SLC24A3: variants seen among roughly 807,000 people sequenced by gnomAD.
SLC24A3 encodes solute carrier family 24 member 3, also known as sodium/potassium/calcium exchanger 3.
Under a neutral mutation model 75.8 loss-of-function variants are expected in SLC24A3, and 28 were observed. The observed-to-expected ratio is 0.37, with a 90% CI of 0.27 to 0.51. The LOEUF (loss-of-function observed/expected upper bound fraction) is 0.51, where lower values mean the gene tolerates loss of function less well. SLC24A3 is among the 20% of genes least tolerant of loss of function. The pLI is 0.94. For missense variants in SLC24A3, 663 were observed against 847.8 expected, an observed-to-expected ratio of 0.78 and a Z score of 2.71; for synonymous variants, 372 against 334.1, an observed-to-expected ratio of 1.11 and a Z score of -1.24.
intron 6 of SLC24A3, among the ~76,000 whole-genome samples, chr20:19,635,922 C>T (rs535811700): frequency 6.6e-6 from 1 of 152,228 alleles, no homozygotes; most frequent in South Asian, 2.1e-4. Context: ...GGGTGGATCA[C>T]AAGGTCAGGA....
intron 2 of SLC24A3, among the ~76,000 whole-genome samples, chr20:19,468,579 G>A (rs1346396650): frequency 2.6e-5 from 4 of 152,148 alleles, no homozygotes; most frequent in Admixed American, 2.6e-4. Flanking sequence ...CATTCAAGGA[G>A]AGAGAAGAAA....
At chr20:19,408,191 T>TA (rs1356164078) in intron 2 of SLC24A3, among the ~76,000 whole-genome samples, 1 of 152,204 alleles carries the variant, frequency 6.6e-6, no homozygotes, top group African/African-American at 2.4e-5. Flanking sequence ...AGAAAAGTTG[T>TA]AAAACACTAA....
At chr20:19,569,994 T>A (rs2031026804) in intron 3 of SLC24A3, among the ~76,000 whole-genome samples, 1 of 152,146 alleles carries the variant, frequency 6.6e-6, no homozygotes, top group African/African-American at 2.4e-5. Context: ...ACATTAGACC[T>A]CCCCACTATT....
chr20:19,476,298 A>G (rs551928053), intron 2 of SLC24A3, among the ~76,000 whole-genome samples: 2 of 152,314 alleles, frequency 1.3e-5, no homozygotes, highest in Non-Finnish European at 2.9e-5. Context: ...TTGATGAAAA[A>G]CAGAAGTAAG....
chr20:19,720,935 C>T (rs1014249588), intron 16 of SLC24A3, 56 bp from the exon 17 acceptor site: 4 of 1,599,848 alleles, frequency 2.5e-6, no homozygotes, highest in East Asian at 4.5e-5. Flanking sequence ...CCTACCAACC[C>T]CCCAAAGGCT....
intron 2 of SLC24A3, among the ~76,000 whole-genome samples, chr20:19,350,153 G>A (rs2122323890): frequency 6.6e-6 from 1 of 152,270 alleles, no homozygotes; most frequent in East Asian, 1.9e-4. Flanking sequence ...TATAAGGACT[G>A]AATTCATAGC....
At chr20:19,609,943 T>A (rs1312417859) in intron 6 of SLC24A3, among the ~76,000 whole-genome samples, 1 of 131,746 alleles carries the variant, frequency 7.6e-6, no homozygotes, top group South Asian at 2.8e-4. Context: ...TTCATTCATC[T>A]TAGGTTTAAC....
At chr20:19,700,919 T>G (rs2032864456) in intron 15 of SLC24A3, among the ~76,000 whole-genome samples, 1 of 152,232 alleles carries the variant, frequency 6.6e-6, no homozygotes, top group African/African-American at 2.4e-5. Flanking sequence ...TTTACCTAAA[T>G]CTATACTTTT....
chr20:19,568,042 A>T (rs1420969239), intron 3 of SLC24A3, among the ~76,000 whole-genome samples: 1 of 152,218 alleles, frequency 6.6e-6, no homozygotes, highest in Non-Finnish European at 1.5e-5. Flanking sequence ...AGATGCTCAA[A>T]ATCAGTAATC....
chr20:19,461,106 G>C (rs960898774), intron 2 of SLC24A3, among the ~76,000 whole-genome samples: 1 of 152,178 alleles, frequency 6.6e-6, no homozygotes, highest in Non-Finnish European at 1.5e-5. Flanking sequence ...CATATCTGGA[G>C]AAAGCCCCTG....
intron 2 of SLC24A3, among the ~76,000 whole-genome samples, chr20:19,371,618 A>G (rs115138633): frequency 2.2e-3 from 338 of 152,302 alleles, no homozygotes; most frequent in African/African-American, 7.1e-3. Context: ...TACAGGGACA[A>G]AATCCCCACA....
intron 2 of SLC24A3, among the ~76,000 whole-genome samples, chr20:19,460,922 G>A (rs1215845273): frequency 6.6e-6 from 1 of 152,234 alleles, no homozygotes; most frequent in Non-Finnish European, 1.5e-5. Flanking sequence ...GTCCCCATGA[G>A]TGAGGGGAAG....
chr20:19,576,307 G>C (rs1027602529), intron 3 of SLC24A3, among the ~76,000 whole-genome samples: 1 of 152,180 alleles, frequency 6.6e-6, no homozygotes, highest in African/African-American at 2.4e-5. Flanking sequence ...TGTATTAATA[G>C]TACCATCAAT....
rs73902304 is a variant in SLC24A3 at position 19,291,662 on chromosome 20, C to G, written c.271+10575C>G. On this transcript the variant is annotated intron_variant, in intron 2 of 16. Coordinates refer to ENST00000328041, the MANE Select transcript of SLC24A3 (RefSeq NM_020689.4). Reference sequence around the variant, plus strand: ...AAAGATTAGCAGCCTTTTTTAGAAGCTGACTCAGAACAAAATGGATTTGGG... The same window carrying G: ...AAAGATTAGCAGCCTTTTTTAGAAGGTGACTCAGAACAAAATGGATTTGGG... 5.7e-3 allele frequency among the ~76,000 whole-genome samples: 864 copies of G among 152,286 alleles called. 9 individuals carry two copies. The highest frequency in any genetic ancestry group is 0.02 in the African/African-American group (825 of 41,548).
At chr20:19,613,730 G>C (rs1387432038) in intron 6 of SLC24A3, among the ~76,000 whole-genome samples, 1 of 152,164 alleles carries the variant, frequency 6.6e-6, no homozygotes, top group Non-Finnish European at 1.5e-5. Context: ...TTCTCTAGAA[G>C]TGTAATGAAC....
At chr20:19,501,526 T>C (rs1233118938) in intron 2 of SLC24A3, among the ~76,000 whole-genome samples, 1 of 152,190 alleles carries the variant, frequency 6.6e-6, no homozygotes, top group Non-Finnish European at 1.5e-5. Context: ...GCAGGAAACA[T>C]CTAAGAGATC....
chr20:19,579,943 C>A, intron 3 of SLC24A3, 57 bp from the exon 4 acceptor site: 3 of 1,341,438 alleles, frequency 2.2e-6, no homozygotes, highest in South Asian at 2.4e-5. Context: ...GCTGGACGTT[C>A]ATCTTCCTGG....
chr20:19,333,869 T>C (rs912036891), intron 2 of SLC24A3, among the ~76,000 whole-genome samples: 1 of 152,048 alleles, frequency 6.6e-6, no homozygotes, highest in African/African-American at 2.4e-5. Context: ...AGCCATAAGG[T>C]TCTTAAGCTG....
intron 1 of SLC24A3, among the ~76,000 whole-genome samples, chr20:19,221,770 G>T (rs2122132896): frequency 6.6e-6 from 1 of 152,182 alleles, no homozygotes; most frequent in Non-Finnish European, 1.5e-5. Context: ...TCTATTCTTT[G>T]CTTTGCTCCT....
Sources: gnomAD v4.1 joint callset for allele counts (sites outside exome capture counted in the v4.1 genomes callset) on GRCh38, gnomAD v4.1.1 for gene constraint, MANE v1.5 for transcripts, NCBI Gene and HGNC (gene_info 2026-07-23, HGNC 2026-07-21) for gene names.